The following ARID1B variants were observed in gnomAD, a reference collection of about 807,000 sequenced individuals.
ARID1B encodes the protein AT-rich interactive domain-containing protein 1B.
A neutral mutation model predicts 212.3 loss-of-function variants in ARID1B; 30 were observed. The observed-to-expected ratio is 0.14, with a 90% confidence interval of 0.11 to 0.19. ARID1B has a LOEUF of 0.19. ARID1B is among the 10% of genes least tolerant of loss of function. ARID1B has a pLI of 1.00. For missense variants in ARID1B, 2,891 were observed against 3,204.0 expected (o/e 0.90, Z 2.36); for synonymous variants, 1,402 against 1,301.7 (o/e 1.08, Z -1.66).
rs116154273 is a variant in ARID1B, at chr6:156,845,037, C to A, written c.1986+15616C>A. Among the ~76,000 whole-genome samples, 495 of 152,224 alleles carry A rather than the reference C, an allele frequency of 3.3e-3. 2 individuals are homozygous for A. The highest frequency in any genetic ancestry group is 0.011 in the African/African-American group (471 of 41,516). On this transcript the variant is annotated intron_variant, in intron 2 of 19. Coordinates refer to ENST00000636930, the MANE Select transcript of ARID1B (RefSeq NM_001374828.1). ...ACCATCATCTTTTGAATAGCCTTCC[C>A]GTGTCTGGGGAGATGTCCACATGTA... is the stretch of plus-strand genomic sequence containing the variant.
At position 156,958,922 on chromosome 6, in the gene ARID1B, C is replaced by T. The variant is rs1023431965; in HGVS notation, c.2247+23346C>T. On this transcript the variant is annotated intron_variant, in intron 4 of 19. Coordinates refer to ENST00000636930, the MANE Select transcript of ARID1B (RefSeq NM_001374828.1). ...ATAAAGGAGCCCCTTTCTTTTCTTT[C>T]GATCTGGTCATTACCTGGGATTTTC... Among the ~76,000 whole-genome samples, 8 of 152,080 alleles carry T rather than the reference C, an allele frequency of 5.3e-5. No individual in the cohort carries two copies. In the East Asian group the frequency reaches 7.7e-4, roughly 15 times the overall value.
intron 4 of ARID1B, among the ~76,000 whole-genome samples, chr6:157,027,912 T>A (rs1780763014): frequency 6.6e-6 from 1 of 152,250 alleles, no homozygotes; most frequent in African/African-American, 2.4e-5. Flanking sequence ...CTTTTAGTAC[T>A]TCCGTTGATT....
chr6:156,952,382 T>G (rs762099113), intron 4 of ARID1B, among the ~76,000 whole-genome samples: 37 of 152,244 alleles, frequency 2.4e-4, no homozygotes, highest in Non-Finnish European at 4.9e-4. Context: ...TGACTTTGAA[T>G]ACGTTATAAA....
At chr6:156,915,577 T>TA (rs111379557) in intron 3 of ARID1B, among the ~76,000 whole-genome samples, 3,062 of 137,420 alleles carry the variant, frequency 0.022, 45 homozygotes, top group African/African-American at 0.032. Flanking sequence ...CAAAAAAAAT[T>TA]AAAAAAAAAA....
At chr6:156,939,242 A>G (rs1792485792) in intron 4 of ARID1B, 1 of 152,238 alleles carries the variant, frequency 6.6e-6, no homozygotes, top group South Asian at 2.1e-4. Context: ...AAATAAACCT[A>G]GCATTTAAGC....
chr6:157,043,912 A>G (rs997670249), intron 4 of ARID1B, among the ~76,000 whole-genome samples: 2 of 152,226 alleles, frequency 1.3e-5, no homozygotes, highest in Admixed American at 1.3e-4. Context: ...GTATTCATTC[A>G]TATCACTCTA....
intron 2 of ARID1B, among the ~76,000 whole-genome samples, chr6:156,886,768 G>A (rs1787541050): frequency 6.6e-6 from 1 of 152,192 alleles, no homozygotes; most frequent in African/African-American, 2.4e-5. Context: ...GTGTAACTGT[G>A]CCGAGCCTTC....
intron 2 of ARID1B, among the ~76,000 whole-genome samples, chr6:156,868,797 A>C (rs562789395): frequency 1.3e-5 from 2 of 152,370 alleles, no homozygotes; most frequent in African/African-American, 4.8e-5. Context: ...ATTCTTGTGA[A>C]ACTACTTAGA....
chr6:157,196,708 C>T (rs1350326777), intron 16 of ARID1B, among the ~76,000 whole-genome samples: 1 of 152,202 alleles, frequency 6.6e-6, no homozygotes, highest in Non-Finnish European at 1.5e-5. Context: ...TCCCTCCCTT[C>T]TTTCTGTCTG....
intron 8 of ARID1B, among the ~76,000 whole-genome samples, chr6:157,156,833 A>G (rs1227706595): frequency 6.6e-6 from 1 of 152,164 alleles, no homozygotes; most frequent in Non-Finnish European, 1.5e-5. Flanking sequence ...TTTGGGAGGC[A>G]TGCTCCGGAC....
chr6:157,108,776 A>G (rs732830), intron 5 of ARID1B, among the ~76,000 whole-genome samples: 29,565 of 152,180 alleles, frequency 0.19, 4,350 homozygotes, highest in African/African-American at 0.42. Context: ...AACGAAGTCT[A>G]TGCTGTTTGT....
intron 4 of ARID1B, among the ~76,000 whole-genome samples, chr6:156,961,739 A>G (rs1179579292): frequency 6.6e-6 from 1 of 152,190 alleles, no homozygotes; most frequent in African/African-American, 2.4e-5. Context: ...TGAAGTACAA[A>G]TAAATGGGCA....
At chr6:156,892,208 T>G (rs1270192772) in intron 2 of ARID1B, among the ~76,000 whole-genome samples, 1 of 152,144 alleles carries the variant, frequency 6.6e-6, no homozygotes, top group African/African-American at 2.4e-5. Flanking sequence ...TTTCTTAAGA[T>G]AAATTCCTAA....
chr6:156,864,127 C>T (rs1785520649), intron 2 of ARID1B, among the ~76,000 whole-genome samples: 1 of 152,150 alleles, frequency 6.6e-6, no homozygotes, highest in South Asian at 2.1e-4. Context: ...CTTGTGAGAA[C>T]TAGTTTTATA....
At chr6:156,925,987 G>T (rs1400942981) in intron 3 of ARID1B, among the ~76,000 whole-genome samples, 2 of 152,240 alleles carry the variant, frequency 1.3e-5, no homozygotes, top group Non-Finnish European at 2.9e-5. Context: ...GCTGTTTGGA[G>T]TCATACAGCT....
At chr6:157,010,700 C>G (rs1207875208) in intron 4 of ARID1B, among the ~76,000 whole-genome samples, 2 of 150,324 alleles carry the variant, frequency 1.3e-5, no homozygotes, top group Non-Finnish European at 3.0e-5. Flanking sequence ...GACTTCTTTT[C>G]AGTTTAGGCA....
intron 11 of ARID1B, among the ~76,000 whole-genome samples, chr6:157,179,440 T>A (rs1264507901): frequency 6.6e-6 from 1 of 152,142 alleles, no homozygotes; most frequent in Non-Finnish European, 1.5e-5. Flanking sequence ...ATAGTTTCTA[T>A]ATTCTAAGTG....
chr6:157,037,714 G>A (rs772602201), intron 4 of ARID1B, among the ~76,000 whole-genome samples: 6 of 152,210 alleles, frequency 3.9e-5, no homozygotes, highest in East Asian at 1.9e-4. Context: ...TTAGACAGAT[G>A]ACTTTGGCCA....
chr6:157,000,749 AG>A (rs1778866906), intron 4 of ARID1B, among the ~76,000 whole-genome samples: 1 of 130,486 alleles, frequency 7.7e-6, no homozygotes, highest in African/African-American at 2.9e-5. Context: ...CCCAGGCTGC[AG>A]GGGTGCGTTC....
Sources: allele counts gnomAD v4.1 joint callset (sites outside exome capture counted in the v4.1 genomes callset), GRCh38; gene constraint gnomAD v4.1.1; transcripts MANE v1.5; gene names NCBI Gene and HGNC (gene_info 2026-07-23, HGNC 2026-07-21).